CACNA1D: variants seen among roughly 807,000 people sequenced by gnomAD.
The protein encoded by CACNA1D is calcium voltage-gated channel subunit alpha1 D.
In CACNA1D, 55 loss-of-function variants were observed where a neutral mutation model predicts 257.1. That is an observed-to-expected ratio of 0.21 (90% CI 0.17 to 0.27). The LOEUF (loss-of-function observed/expected upper bound fraction) is 0.27. CACNA1D is among the 10% of genes least tolerant of loss of function. The pLI, the probability that CACNA1D is intolerant of heterozygous loss-of-function variation, is 1.00. For synonymous variants in CACNA1D, 980 were observed against 1,014.9 expected (o/e 0.97, Z 0.65); for missense variants, 1,876 against 2,784.0 (o/e 0.67, Z 7.34).
intron 3 of CACNA1D, among the ~76,000 whole-genome samples, chr3:53,577,139 T>C (rs965791167): frequency 3.9e-5 from 6 of 152,170 alleles, no homozygotes; most frequent in Non-Finnish European, 8.8e-5. Flanking sequence ...TTACTGGCCA[T>C]GTGGTCTGGA....
At chr3:53,756,532 G>C (rs1385144491) in intron 29 of CACNA1D, among the ~76,000 whole-genome samples, 3 of 152,220 alleles carry the variant, frequency 2.0e-5, no homozygotes, top group Admixed American at 6.5e-5. Flanking sequence ...TTAGCCGATT[G>C]TGGGTTCCCG....
intron 3 of CACNA1D, among the ~76,000 whole-genome samples, chr3:53,575,082 A>G (rs1474554781): frequency 1.3e-5 from 2 of 152,204 alleles, no homozygotes; most frequent in Admixed American, 6.5e-5. Flanking sequence ...TGCCTGGCAC[A>G]TGGTTGGCCT....
intron 3 of CACNA1D, among the ~76,000 whole-genome samples, chr3:53,622,235 G>C (rs1163123574): frequency 6.6e-6 from 1 of 152,120 alleles, no homozygotes; most frequent in Non-Finnish European, 1.5e-5. Context: ...ATTTTTAATA[G>C]AGACAGGGTT....
rs755818732 is a variant in CACNA1D at position 53,789,009 on chromosome 3, C to A, written c.4923+2057C>A. On this transcript the variant is annotated intron_variant, in intron 40 of 47. Coordinates refer to ENST00000350061, the MANE Select transcript of CACNA1D (RefSeq NM_001128840.3). The surrounding 1 kb of genome is among the most constrained non-coding windows in gnomAD (Gnocchi z 4.2). ...CAAACAACACACAGCTAAGTCATTA[C>A]CAGGTTTCACGTATGGGGTTTACTG... Among the ~76,000 whole-genome samples, 3 of 152,118 alleles carry A rather than the reference C, an allele frequency of 2.0e-5. No individual in the cohort carries two copies. Among genetic ancestry groups the A allele is most frequent in the Non-Finnish European group, 2.9e-5 (2 of 68,028 alleles).
intron 21 of CACNA1D, among the ~76,000 whole-genome samples, chr3:53,740,681 A>G (rs1381914106): frequency 6.6e-6 from 1 of 151,198 alleles, no homozygotes; most frequent in African/African-American, 2.4e-5. Context: ...TAACCTTTGA[A>G]TGCATGTAGG....
chr3:53,623,593 A>G (rs1210889750), intron 3 of CACNA1D, among the ~76,000 whole-genome samples: 1 of 152,002 alleles, frequency 6.6e-6, no homozygotes, highest in East Asian at 1.9e-4. Flanking sequence ...CATGAAGGGA[A>G]GATAATTATG....
At chr3:53,567,333 T>C (rs928469556) in intron 3 of CACNA1D, among the ~76,000 whole-genome samples, 2 of 152,200 alleles carry the variant, frequency 1.3e-5, no homozygotes, top group African/African-American at 2.4e-5. Flanking sequence ...GAGCACACAG[T>C]TTTTCATTAT....
chr3:53,521,625 T>C (rs1292094329), intron 3 of CACNA1D, among the ~76,000 whole-genome samples: 1 of 152,078 alleles, frequency 6.6e-6, no homozygotes, highest in African/African-American at 2.4e-5. Flanking sequence ...TGGGTGTATA[T>C]GTAGGGAAAG....
intron 5 of CACNA1D, among the ~76,000 whole-genome samples, chr3:53,662,633 CCA>C (rs1183051322): frequency 2.0e-5 from 3 of 151,954 alleles, no homozygotes; most frequent in Non-Finnish European, 4.4e-5. Context: ...CCCACGATCT[CCA>C]CATTTCTGAC....
In CACNA1D at chr3:53,789,061, A is replaced by G. The variant is rs1279774823; in HGVS notation, c.4923+2109A>G. On this transcript the variant is annotated intron_variant, in intron 40 of 47. Coordinates refer to ENST00000350061, the MANE Select transcript of CACNA1D (RefSeq NM_001128840.3). The surrounding 1 kb of genome is among the most constrained non-coding windows in gnomAD (Gnocchi z 4.2). ...GTCTTAAGTTGAAGGGTCAAATGGC[A>G]TGAATGATACAGCGGCAGGTTGTGG... Among the ~76,000 whole-genome samples, 1 of 152,246 alleles carries G rather than the reference A, an allele frequency of 6.6e-6. No individual in the cohort carries two copies. The highest frequency in any genetic ancestry group is 2.4e-5 in the African/African-American group (1 of 41,482).
intron 5 of CACNA1D, 144 bp downstream of exon 5, chr3:53,660,419 G>A (rs1408730424): frequency 1.1e-5 from 8 of 750,456 alleles, no homozygotes; most frequent in Non-Finnish European, 1.6e-5. Context: ...CAGTTGACAG[G>A]ACACTTTGGC....
chr3:53,779,886 G>A (rs1197345921), intron 37 of CACNA1D, 140 bp from the exon 38 acceptor site: 22 of 716,054 alleles, frequency 3.1e-5, no homozygotes, highest in East Asian at 1.6e-4. Flanking sequence ...CATCATATGC[G>A]TACCCCCAAA....
rs2095605169 is a variant in CACNA1D, at chr3:53,812,592, TAAG to T, written c.*1187_*1189del. On this transcript the variant is annotated 3_prime_UTR_variant, in exon 48 of 48. Coordinates refer to ENST00000350061, the MANE Select transcript of CACNA1D (RefSeq NM_001128840.3). Reference sequence around the variant, plus strand: ...TTGTTTGACTTGAACCACCCTCTGGTAAGTAAGTAAGTGAATTACAGAGCAGGT... The same window carrying T: ...TTGTTTGACTTGAACCACCCTCTGGTTAAGTAAGTGAATTACAGAGCAGGT... 1 of 30,804 alleles carries T rather than the reference TAAG, an allele frequency of 3.2e-5. No homozygotes were observed. Among genetic ancestry groups the T allele is most frequent in the Non-Finnish European group, 1.1e-4 (1 of 8,886 alleles). The allele number at this position is 30,804 out of a possible 1,614,324, so 1.9% of individuals were successfully genotyped here. A position where few individuals can be genotyped will look rare whatever the true frequency, so the allele number is the denominator to read the frequency against.
intron 3 of CACNA1D, among the ~76,000 whole-genome samples, chr3:53,578,649 A>AG (rs2093079852): frequency 2.0e-5 from 3 of 152,244 alleles, no homozygotes; most frequent in Non-Finnish European, 4.4e-5. Flanking sequence ...CAATGGAGCC[A>AG]GGTGGTGGAA....
intron 3 of CACNA1D, among the ~76,000 whole-genome samples, chr3:53,599,266 A>G (rs922528008): frequency 2.6e-5 from 4 of 152,168 alleles, no homozygotes; most frequent in Admixed American, 6.5e-5. Context: ...ATATCCTATC[A>G]TTGGACTTTT....
At chr3:53,564,222 A>G (rs1207054060) in intron 3 of CACNA1D, among the ~76,000 whole-genome samples, 2 of 152,020 alleles carry the variant, frequency 1.3e-5, no homozygotes, top group Admixed American at 6.6e-5. Flanking sequence ...GTGCAATGGC[A>G]TAATCTCAGC....
Position 53,660,177 on chromosome 3 carries a change from G to A in CACNA1D, c.668G>A (p.Gly223Asp), listed in dbSNP as rs2094189678. ...ILEQLTKETEGGNHSSGKSGG... is the reference protein window; with the variant it reads ...ILEQLTKETEDGNHSSGKSGG... The stretch of plus-strand genomic sequence containing the variant: ...GAACAATTAACCAAAGAAACAGAAG[G>A]CGGGAACCACTCAAGCGGCAAATCT... The change falls in exon 5 of 48, where the codon GGC becomes GAC. Residue 223 changes from glycine to aspartate, a missense_variant. Coordinates refer to ENST00000350061, the MANE Select transcript of CACNA1D (RefSeq NM_001128840.3). The A allele has an allele frequency of 2.5e-6, 4 of 1,613,952 alleles. No homozygotes were observed. The highest frequency in any genetic ancestry group is 3.4e-6 in the Non-Finnish European group (4 of 1,179,856).
At chr3:53,661,684 T>C (rs963694615) in intron 5 of CACNA1D, among the ~76,000 whole-genome samples, 11 of 152,228 alleles carry the variant, frequency 7.2e-5, no homozygotes, top group African/African-American at 1.4e-4. Flanking sequence ...GCTGTGGCTG[T>C]GTGCGTGTGT....
intron 4 of CACNA1D, among the ~76,000 whole-genome samples, chr3:53,654,169 G>T (rs1341471503): frequency 6.6e-6 from 1 of 151,584 alleles, no homozygotes; most frequent in African/African-American, 2.4e-5. Flanking sequence ...CCTCAGGGCT[G>T]AAGGAAAATG....
Sources: allele counts gnomAD v4.1 joint callset (sites outside exome capture counted in the v4.1 genomes callset), GRCh38; gene constraint gnomAD v4.1.1; non-coding constraint Gnocchi (gnomAD v3.1); transcripts MANE v1.5; gene names NCBI Gene and HGNC (gene_info 2026-07-23, HGNC 2026-07-21).